Variants in ZNF782 observed in about 807,000 individuals in gnomAD.
The protein encoded by ZNF782 is zinc finger protein 782.
In ZNF782, 12 loss-of-function variants were observed where a neutral mutation model predicts 13.0. The ratio of observed to expected loss-of-function variants is 0.92; its 90% CI spans 0.59 to 1.50. The LOEUF (loss-of-function observed/expected upper bound fraction) is 1.50. Among genes scored for constraint, ZNF782 ranks in the 40% most tolerant of loss-of-function variants. The pLI, the probability that ZNF782 is intolerant of heterozygous loss-of-function variation, is 0.00. For synonymous variants in ZNF782, 284 were observed against 283.0 expected (o/e 1.00, Z -0.04); for missense variants, 770 against 822.9 (o/e 0.94, Z 0.79).
At chr9:96,834,915 G>C (rs149862841) in intron 4 of ZNF782, among the ~76,000 whole-genome samples, 1 of 152,314 alleles carries the variant, frequency 6.6e-6, no homozygotes, top group East Asian at 1.9e-4. Flanking sequence ...CTGAGGCTCA[G>C]ATGAAGACAG....
intron 4 of ZNF782, among the ~76,000 whole-genome samples, chr9:96,840,936 A>G (rs1851169542): frequency 1.3e-5 from 2 of 152,182 alleles, no homozygotes; most frequent in South Asian, 4.1e-4. Context: ...CAAAAAAACA[A>G]AAGAGAAAGA....
intron 4 of ZNF782, among the ~76,000 whole-genome samples, chr9:96,843,501 G>A (rs1299041818): frequency 6.6e-6 from 1 of 152,176 alleles, no homozygotes; most frequent in Admixed American, 6.5e-5. Flanking sequence ...TTAGTAGTCA[G>A]CAGAGATCAG....
chr9:96,859,252 A>G (rs1457220198), upstream of ZNF782, among the ~76,000 whole-genome samples: 1 of 152,166 alleles, frequency 6.6e-6, no homozygotes, highest in Non-Finnish European at 1.5e-5. Flanking sequence ...CCGCGCTTGG[A>G]GCCAGTGTAT....
chr9:96,884,902 C>T, the ZNF782 span, among the ~76,000 whole-genome samples: 1 of 151,808 alleles, frequency 6.6e-6, no homozygotes, highest in Non-Finnish European at 1.5e-5. Flanking sequence ...TGCCAAGAAT[C>T]AGAAAAATCC....
chr9:96,875,666 C>A, upstream of ZNF782: 1 of 452,138 alleles, frequency 2.2e-6, no homozygotes, highest in Non-Finnish European at 4.4e-6. Flanking sequence ...CCTGCGTCCC[C>A]GGGACCTCTA....
chr9:96,916,507 G>A, the ZNF782 span, among the ~76,000 whole-genome samples: 834 of 151,812 alleles, frequency 5.5e-3, no homozygotes, highest in African/African-American at 0.018. Flanking sequence ...AAAAAAAGAA[G>A]TTCTTTCTGA....
chr9:96,874,944 C>A (rs977663742), intron 1 of ZNF782, among the ~76,000 whole-genome samples: 2 of 152,184 alleles, frequency 1.3e-5, no homozygotes, highest in Non-Finnish European at 1.5e-5. Flanking sequence ...ACGGATCTGA[C>A]CAGACACTAC....
At chr9:96,931,968 A>C in the ZNF782 span, 6 of 1,611,758 alleles carry the variant, frequency 3.7e-6, no homozygotes, top group East Asian at 1.3e-4. Flanking sequence ...ATGAGGACAG[A>C]AGTGGGGCCT....
intron 2 of ZNF782, among the ~76,000 whole-genome samples, chr9:96,852,411 G>A (rs951603303): frequency 1.3e-5 from 2 of 152,210 alleles, no homozygotes; most frequent in Non-Finnish European, 2.9e-5. Context: ...AGGCCAAAGA[G>A]GGAGGACAGC....
upstream of ZNF782, among the ~76,000 whole-genome samples, chr9:96,858,718 G>C (rs1851672324): frequency 6.6e-6 from 1 of 151,914 alleles, no homozygotes. The surrounding 1 kb of genome is among the most constrained non-coding windows in gnomAD (Gnocchi z 4.4). Flanking sequence ...TTGTTTGTTT[G>C]TTTTACATTT....
chr9:96,831,120 A>AG (rs1485548082), intron 4 of ZNF782, among the ~76,000 whole-genome samples: 1 of 152,106 alleles, frequency 6.6e-6, no homozygotes, highest in Non-Finnish European at 1.5e-5. Context: ...GGAGAAAGGG[A>AG]GGGGCTGAAA....
At chr9:96,899,500 G>T in the ZNF782 span, among the ~76,000 whole-genome samples, 1 of 152,130 alleles carries the variant, frequency 6.6e-6, no homozygotes, top group Non-Finnish European at 1.5e-5. Flanking sequence ...TACTATATTG[G>T]TTCATTTTCT....
chr9:96,863,822 G>C (rs967357567), intron 1 of ZNF782, among the ~76,000 whole-genome samples: 1 of 152,052 alleles, frequency 6.6e-6, no homozygotes, highest in Admixed American at 6.6e-5. Flanking sequence ...AGGATGCAAA[G>C]GCATAAGAAT....
chr9:96,838,459 G>A (rs1851073863), intron 4 of ZNF782, among the ~76,000 whole-genome samples: 1 of 152,134 alleles, frequency 6.6e-6, no homozygotes, highest in Non-Finnish European at 1.5e-5. Context: ...ACAGAGCGGT[G>A]TTTAAATCTC....
At chr9:96,895,270 T>C in the ZNF782 span, 1 of 152,150 alleles carries the variant, frequency 6.6e-6, no homozygotes, top group Non-Finnish European at 1.5e-5. Flanking sequence ...GTCAAAACTG[T>C]AGTTAGAAAG....
chr9:96,894,183 G>C, the ZNF782 span: 3 of 151,994 alleles, frequency 2.0e-5, no homozygotes, highest in Non-Finnish European at 2.9e-5. Context: ...TCACACACTG[G>C]GGCCTGTTGT....
intron 5 of ZNF782, among the ~76,000 whole-genome samples, chr9:96,821,498 A>G (rs563457830): frequency 2.6e-5 from 4 of 152,164 alleles, no homozygotes; most frequent in African/African-American, 9.7e-5. Context: ...GTTACTGTCT[A>G]TAGTATTCAT....
chr9:96,856,257 G>C (rs951895621), upstream of ZNF782, among the ~76,000 whole-genome samples: 4 of 152,168 alleles, frequency 2.6e-5, no homozygotes, highest in Non-Finnish European at 4.4e-5. Context: ...TTACCTCAGA[G>C]GGTGCTCTGC....
chr9:96,854,784 C>T (rs556939227), upstream of ZNF782, among the ~76,000 whole-genome samples: 1 of 151,958 alleles, frequency 6.6e-6, no homozygotes, highest in African/African-American at 2.4e-5. Context: ...GTTGAACCAA[C>T]ATTTTTTTTT....
Sources: gnomAD v4.1 joint callset for allele counts (sites outside exome capture counted in the v4.1 genomes callset) on GRCh38, gnomAD v4.1.1 for gene constraint, Gnocchi (gnomAD v3.1) non-coding constraint, MANE v1.5 for transcripts, NCBI Gene and HGNC (gene_info 2026-07-23, HGNC 2026-07-21) for gene names.